GDPD2: variants seen among roughly 807,000 people sequenced by gnomAD.
GDPD2 encodes the protein glycerophosphodiester phosphodiesterase 3.
In GDPD2, 23 loss-of-function variants were observed where a neutral mutation model predicts 49.2. The observed-to-expected ratio is 0.47, with a 90% confidence interval of 0.34 to 0.66. GDPD2 has a LOEUF of 0.66. Ranked by LOEUF, GDPD2 falls within the 30% of genes least tolerant of loss-of-function variation. The pLI is 0.01. For synonymous variants in GDPD2, 167 were observed against 171.4 expected (o/e 0.97, Z 0.20); for missense variants, 338 against 424.7 (o/e 0.80, Z 1.79).
At position 70,433,262 on chromosome X, in the gene GDPD2, T is replaced by G; in HGVS notation, c.*176T>G. On this transcript the variant is annotated 3_prime_UTR_variant, in exon 16 of 16. Coordinates refer to ENST00000374382, the MANE Select transcript of GDPD2 (RefSeq NM_017711.4). The stretch of plus-strand genomic sequence containing the variant: ...CCCAGGTGATGGGCATTCCCTAAGC[T>G]GCTATGGAATCTGCTCCCTTTGGGG... The G allele has an allele frequency of 2.3e-6, 1 of 444,362 alleles. No homozygotes were observed. The highest frequency in any genetic ancestry group is 3.9e-6 in the Non-Finnish European group (1 of 253,341). 36.6% of individuals were successfully genotyped at this position (444,362 alleles called of 1,213,427 possible).
intron 5 of GDPD2, 60 bp downstream of exon 5, chrX:70,426,171 T>C: frequency 2.0e-6 from 2 of 1,015,808 alleles, no homozygotes; most frequent in Non-Finnish European, 2.8e-6. Flanking sequence ...CTTGGCTGGC[T>C]ATTTGCTGAG....
At position 70,424,154 on chromosome X, in the gene GDPD2, G is replaced by A. The variant is rs1461548148; in HGVS notation, c.-10+772G>A. 5.4e-5 allele frequency among the ~76,000 whole-genome samples: 6 copies of A among 111,298 alleles called. No homozygotes were observed. The Admixed American group carries it at 5.7e-4, about 11-fold the overall frequency. On this transcript the variant is annotated intron_variant, in intron 1 of 15. Coordinates refer to ENST00000374382, the MANE Select transcript of GDPD2 (RefSeq NM_017711.4). ...CACCCCGCATACACACCTTTGCCCT[G>A]CGTTTGTTGTACTTTCACCAAAGCT...
chrX:70,425,318 G>A, intron 2 of GDPD2, 36 bp from the exon 3 acceptor site: 1 of 957,136 alleles, frequency 1.0e-6, no homozygotes, highest in Non-Finnish European at 1.5e-6. Context: ...TTTGAAGTAG[G>A]TATTGGTTGT....
rs777753036 is a variant in GDPD2 at position 70,427,224 on chromosome X, G to A, written c.785+5G>A. The A allele has an allele frequency of 6.7e-6, 8 of 1,200,303 alleles. No individual in the cohort carries two copies. The East Asian group carries it at 2.4e-4, about 36-fold the overall frequency. On this transcript the variant is annotated splice_donor_5th_base_variant and intron_variant, in intron 9 of 15. Coordinates refer to ENST00000374382, the MANE Select transcript of GDPD2 (RefSeq NM_017711.4). ...TGAGACTGATGTGATGGTCAGGTGA[G>A]GGAAGCTGGGGCTTAGGGGATCTGG... is the stretch of plus-strand genomic sequence containing the variant.
chrX:70,432,831 G>T (rs2086490099), intron 14 of GDPD2, 81 bp from the exon 15 acceptor site: 3 of 839,639 alleles, frequency 3.6e-6, no homozygotes, highest in Middle Eastern at 5.6e-4. Flanking sequence ...AGGAAAGGCA[G>T]TTGGGGGGAG....
Position 70,427,335 on chromosome X carries a change from A to G in GDPD2, c.808A>G (p.Met270Val). 8.3e-7 allele frequency: 1 copy of G among 1,210,304 alleles called. No homozygotes were observed. The highest frequency in any genetic ancestry group is 1.1e-6 in the Non-Finnish European group (1 of 894,534). The change falls in exon 10 of 16, where the codon ATG becomes GTG. Residue 270 changes from methionine to valine, a missense_variant. Around this residue, in one of 3 missense-constraint regions of GDPD2, gnomAD observed 253 missense variants for 330.4 expected, o/e 0.77. Coordinates refer to ENST00000374382, the MANE Select transcript of GDPD2 (RefSeq NM_017711.4). The stretch of plus-strand genomic sequence containing the variant: ...CAGCTCCGATGGGGTCCCCTTCCTC[A>G]TGCATGATGAGCACCTCAGCAGGAC... ...MVSSDGVPFL[M>V]HDEHLSRTTN...
At chrX:70,427,664 T>C in intron 10 of GDPD2, 1 of 390,379 alleles carries the variant, frequency 2.6e-6, no homozygotes, top group Non-Finnish European at 4.4e-6. Flanking sequence ...TTTTCCTGCC[T>C]GGGAGAGAAT....
In GDPD2 at chrX:70,426,382, C is replaced by T; in HGVS notation, c.375C>T (p.Leu125=). The T allele has an allele frequency of 8.3e-7, 1 of 1,211,386 alleles. No homozygotes were observed. Among genetic ancestry groups the T allele is most frequent in the East Asian group, 3.0e-5 (1 of 33,843 alleles). The change falls in exon 6 of 16, where the codon CTC becomes CTT. Residue 125 remains leucine (L), a synonymous_variant. Transcript: ENST00000374382. ...HLHSLHKVLL[L]LIMLLVAAGL... ...CCCTGGCCCCCCAGGTGCTGCTGCT[C>T]CTCATTATGCTGCTTGTGGCGGCTG...
intron 6 of GDPD2, 44 bp downstream of exon 6, chrX:70,426,513 C>T (rs369984051): frequency 1.4e-5 from 16 of 1,113,684 alleles, no homozygotes; most frequent in Non-Finnish European, 1.9e-5. Context: ...CCTTGGCTTG[C>T]AGCCAACCCT....
intron 10 of GDPD2, 124 bp downstream of exon 10, chrX:70,427,587 A>C: frequency 3.6e-6 from 2 of 550,103 alleles, no homozygotes; most frequent in Non-Finnish European, 5.7e-6. Flanking sequence ...CTGTGCTCTC[A>C]AGTCACTTCC....
intron 12 of GDPD2, among the ~76,000 whole-genome samples, chrX:70,430,409 C>T (rs1170747404): frequency 9.0e-6 from 1 of 111,688 alleles, no homozygotes; most frequent in Admixed American, 9.5e-5. Flanking sequence ...GAGGTGGGTG[C>T]ACCCACATTA....
intron 11 of GDPD2, 24 bp downstream of exon 11, chrX:70,429,738 C>A: frequency 9.0e-7 from 1 of 1,109,234 alleles, no homozygotes; most frequent in South Asian, 1.9e-5. Flanking sequence ...GACCCCCTCT[C>A]CCCACCCTGC....
In GDPD2 at chrX:70,432,250, C is replaced by T; in HGVS notation, c.1308-57C>T. The T allele has an allele frequency of 3.7e-6, 4 of 1,086,484 alleles. No individual in the cohort carries two copies. The Admixed American group carries it at 9.1e-5, about 25-fold the overall frequency. The allele number at this position is 1,086,484 out of a possible 1,213,427, so 89.5% of individuals were successfully genotyped here. ...TCAAGCACAGGCAGGGGGCTGCCTCCCATGTCCTGTGCACCATGATTCTGG... is the reference window on the plus strand; with the variant it reads ...TCAAGCACAGGCAGGGGGCTGCCTCTCATGTCCTGTGCACCATGATTCTGG... On this transcript the variant is annotated intron_variant, in intron 12 of 15. Coordinates refer to ENST00000374382, the MANE Select transcript of GDPD2 (RefSeq NM_017711.4).
At chrX:70,432,495 C>A (rs762149715) in intron 13 of GDPD2, 41 bp downstream of exon 13, 20 of 1,178,893 alleles carry the variant, frequency 1.7e-5, no homozygotes, top group Middle Eastern at 4.7e-4. Flanking sequence ...TTCTCCCATC[C>A]CTGGTTTTCC....
At chrX:70,429,097 G>T (rs2147754293) in intron 10 of GDPD2, among the ~76,000 whole-genome samples, 1 of 112,082 alleles carries the variant, frequency 8.9e-6, no homozygotes, top group African/African-American at 3.2e-5. Flanking sequence ...ATCAGAGTCT[G>T]GGAGTTGTAG....
chrX:70,432,249 C>T, intron 12 of GDPD2, 58 bp from the exon 13 acceptor site: 1 of 1,080,735 alleles, frequency 9.3e-7, no homozygotes, highest in Non-Finnish European at 1.3e-6. Flanking sequence ...GGGGCTGCCT[C>T]CCATGTCCTG....
At chrX:70,429,383 G>C (rs973325776) in intron 10 of GDPD2, 110 bp from the exon 11 acceptor site, 28 of 510,144 alleles carry the variant, frequency 5.5e-5, no homozygotes, top group Admixed American at 3.9e-4. Flanking sequence ...CCCTGGCTCA[G>C]AGGTGGAAAG....
At chrX:70,431,154 C>A in intron 12 of GDPD2, 2 of 1,103,149 alleles carry the variant, frequency 1.8e-6, no homozygotes, top group Non-Finnish European at 2.4e-6. Context: ...CGAGTTATCA[C>A]CAAAGAGGAA....
At chrX:70,425,154 G>T (rs1447243338) in intron 2 of GDPD2, 65 bp downstream of exon 2, 43 of 808,299 alleles carry the variant, frequency 5.3e-5, no homozygotes, top group Non-Finnish European at 7.7e-5. Flanking sequence ...AGGGGATAAG[G>T]AGGCCAATTG....
Sources: allele counts gnomAD v4.1 joint callset (sites outside exome capture counted in the v4.1 genomes callset), GRCh38; gene constraint gnomAD v4.1.1; regional missense constraint gnomAD v4.1.1; transcripts MANE v1.5; gene names NCBI Gene and HGNC (gene_info 2026-07-23, HGNC 2026-07-21).